Variants in MYH8 observed in about 807,000 individuals in gnomAD.
The protein encoded by MYH8 is myosin heavy chain 8, also known as myosin-8.
A neutral mutation model predicts 233.2 loss-of-function variants in MYH8; 168 were observed. The observed-to-expected ratio is 0.72, with a 90% CI of 0.64 to 0.82. The LOEUF is 0.82. Ranked by LOEUF, MYH8 falls within the 40% of genes least tolerant of loss-of-function variation. The pLI is 0.00. For missense variants in MYH8, 1,995 were observed against 2,327.8 expected (o/e 0.86, Z 2.94); for synonymous variants, 785 against 850.6 (o/e 0.92, Z 1.34).
Position 10,419,738 on chromosome 17 carries a change from G to A in MYH8, c.210+280C>T, listed in dbSNP as rs2072319706. On this transcript the variant is annotated intron_variant, in intron 3 of 39. Transcript: ENST00000403437. The surrounding 1 kb of genome is among the most constrained non-coding windows in gnomAD (Gnocchi z 4.0). ...ATTTAACTTCTGATAGGAGGAGCTT[G>A]TTTTCATTTCCCTCAAGTTTGGACA... 6.6e-6 allele frequency among the ~76,000 whole-genome samples: 1 copy of A among 152,162 alleles called. No individual in the cohort carries two copies. The highest frequency in any genetic ancestry group is 2.4e-5 in the African/African-American group (1 of 41,436).
Position 10,398,605 on chromosome 17 carries a change from G to GGAGGACTGCAGGGCGT in MYH8, c.4001_4016dup (p.His1341ProfsTer7). The GGAGGACTGCAGGGCGT allele has an allele frequency of 1.2e-6, 2 of 1,614,206 alleles. No homozygotes were observed. The highest frequency in any genetic ancestry group is 2.2e-5 in the South Asian group (2 of 91,082). On this transcript the variant is annotated frameshift_variant, in exon 30 of 40. Transcript: ENST00000403437. LOFTEE classifies it high-confidence loss of function. ...CCCGCAGCAGGTCGCAGTCATGGCG[G>GGAGGACTGCAGGGCGT]GAGGACTGCAGGGCGTGTGCCAGGG...
intron 30 of MYH8, 125 bp from the exon 31 acceptor site, chr17:10,397,111 T>A (rs1475987328): frequency 8.4e-7 from 1 of 1,185,430 alleles, no homozygotes; most frequent in African/African-American, 1.5e-5. Context: ...AGAGACGGAG[T>A]CTCGCTCTGT....
intron 28 of MYH8, among the ~76,000 whole-genome samples, chr17:10,399,133 G>A (rs532696347): frequency 9.2e-5 from 14 of 151,690 alleles, no homozygotes; most frequent in African/African-American, 2.2e-4. Context: ...TCCCTAATCC[G>A]AAAATCTAAA....
At chr17:10,394,593 G>T in intron 34 of MYH8, 141 bp from the exon 35 acceptor site, 1 of 1,074,776 alleles carries the variant, frequency 9.3e-7, no homozygotes, top group African/African-American at 1.6e-5. Context: ...TTATGGTTAG[G>T]TCATTTGCTT....
chr17:10,395,096 C>T (rs750360401), intron 34 of MYH8, 37 bp downstream of exon 34: 73 of 1,610,874 alleles, frequency 4.5e-5, no homozygotes, highest in Middle Eastern at 2.2e-4. Flanking sequence ...AGGTACTTTC[C>T]CTGCTTCATC....
At chr17:10,420,394 A>C (rs1209574212) in intron 2 of MYH8, 137 bp from the exon 3 acceptor site, 2 of 775,106 alleles carry the variant, frequency 2.6e-6, no homozygotes, top group African/African-American at 3.4e-5. Context: ...CCAGTGTTCT[A>C]ACATAGTCTA....
rs142917233 is a variant in MYH8 at position 10,418,775 on chromosome 17, G to C, written c.381C>G (p.Thr127=). The C allele has an allele frequency of 1.2e-6, 2 of 1,613,810 alleles. No individual in the cohort carries two copies. The highest frequency in any genetic ancestry group is 1.7e-5 in the Admixed American group (1 of 60,020). The part of the protein sequence containing the change: ...IYTYSGLFCV[T]VNPYKWLPVY... The stretch of plus-strand genomic sequence containing the variant: ...CCGGCAGCCACTTGTAGGGGTTGAC[G>C]GTGACACAGAAGAGGCCTGAGTAGG... The change falls in exon 5 of 40, where the codon ACC becomes ACG. Residue 127 remains threonine, a synonymous_variant. Coordinates refer to ENST00000403437, the MANE Select transcript of MYH8 (RefSeq NM_002472.3).
At position 10,406,376 on chromosome 17, in the gene MYH8, A is replaced by G. The variant is rs1331467330; in HGVS notation, c.2193T>C (p.Ser731=). 16 of 1,613,944 alleles carry G rather than the reference A, an allele frequency of 9.9e-6. No individual in the cohort carries two copies. Among genetic ancestry groups the G allele is most frequent in the Non-Finnish European group, 4.2e-6 (5 of 1,179,952 alleles). ...FKQRYKVLNA[S]AIPEGQFIDS... ...CAATGAACTGTCCCTCTGGAATAGC[A>G]CTTGCATTTAAAACCTTGTATCTGC... is the stretch of plus-strand genomic sequence containing the variant. The change falls in exon 20 of 40, where the codon AGT becomes AGC. Residue 731 remains serine (S), a synonymous_variant. Transcript: ENST00000403437.
chr17:10,413,549 G>C (rs1010420614), intron 12 of MYH8, among the ~76,000 whole-genome samples: 3 of 152,140 alleles, frequency 2.0e-5, no homozygotes, highest in African/African-American at 7.2e-5. Context: ...TCTGCTGTCA[G>C]TTCCTAGGGT....
At position 10,410,984 on chromosome 17, in the gene MYH8, G is replaced by A. The variant is rs944309685; in HGVS notation, c.1417-37C>T. On this transcript the variant is annotated intron_variant, in intron 14 of 39. Coordinates refer to ENST00000403437, the MANE Select transcript of MYH8 (RefSeq NM_002472.3). The stretch of plus-strand genomic sequence containing the variant: ...AATAGAGATTTCCAACATCAAATGA[G>A]TTTTATAGTAGTAAAATTCATTACT... 2.5e-6 allele frequency: 4 copies of A among 1,613,508 alleles called. No homozygotes were observed. The African/African-American group carries it at 4.0e-5, about 16-fold the overall frequency.
Position 10,405,984 on chromosome 17 carries a change from G to T in MYH8, c.2432+57C>A, listed in dbSNP as rs137932692. The T allele has an allele frequency of 1.4e-4, 216 of 1,591,634 alleles. 2 individuals are homozygous for T. The East Asian group carries it at 4.8e-3, about 35-fold the overall frequency. On this transcript the variant is annotated intron_variant, in intron 21 of 39. Coordinates refer to ENST00000403437, the MANE Select transcript of MYH8 (RefSeq NM_002472.3). ...AATGAAAGAATTAATGAATGAACAAGACTGATTGATAGTCCTTAAGGGACC... is the reference window on the plus strand; with the variant it reads ...AATGAAAGAATTAATGAATGAACAATACTGATTGATAGTCCTTAAGGGACC...
chr17:10,392,083 C>G, intron 38 of MYH8, 106 bp from the exon 39 acceptor site: 1 of 876,478 alleles, frequency 1.1e-6, no homozygotes, highest in East Asian at 2.4e-5. Context: ...CTGGGGTAAA[C>G]TTGATCAACT....
At position 10,401,841 on chromosome 17, in the gene MYH8, G is replaced by GT. The variant is rs372551096; in HGVS notation, c.2689-57dup. The GT allele has an allele frequency of 4.9e-4, 786 of 1,607,894 alleles. 2 individuals are homozygous for GT. The highest frequency in any genetic ancestry group is 1.1e-3 in the East Asian group (49 of 44,822). On this transcript the variant is annotated intron_variant, in intron 22 of 39. Coordinates refer to ENST00000403437, the MANE Select transcript of MYH8 (RefSeq NM_002472.3). ...TCTGTTACTTATTTTGAAACTTGGT[G>GT]TTTTTTTTGCGCAAAAATAATAGTG...
rs912354941 is a variant in MYH8 at position 10,400,460 on chromosome 17, T to C, written c.3665A>G (p.Lys1222Arg). Residue 1222 changes from lysine (K) to arginine (R), a missense_variant, in exon 27 of 40, where the codon AAG (lysine) becomes AGG (arginine). By Grantham distance (26) the Lys-to-Arg change is conservative. This residue lies in a region of MYH8 where 1,498 missense variants were observed against 1,680.9 expected (regional missense o/e 0.89). Coordinates refer to ENST00000403437, the MANE Select transcript of MYH8 (RefSeq NM_002472.3). This position sits in a 1 kb window ranked among gnomAD's most constrained non-coding sequence, Gnocchi z 4.0. ...CTCCATCTTCAGCTCACTCTTCTCCTTCTCCAGCTTCTGTTTGACCCGCTG... is the reference window on the plus strand; with the variant it reads ...CTCCATCTTCAGCTCACTCTTCTCCCTCTCCAGCTTCTGTTTGACCCGCTG... ...NLQRVKQKLEKEKSELKMETD... is the reference protein window; with the variant it reads ...NLQRVKQKLEREKSELKMETD... 3.1e-6 allele frequency: 5 copies of C among 1,614,058 alleles called. No homozygotes were observed. Among genetic ancestry groups the C allele is most frequent in the Non-Finnish European group, 4.2e-6 (5 of 1,179,964 alleles).
chr17:10,392,607 G>A lies in MYH8; in HGVS notation c.5503C>T (p.Arg1835Cys), dbSNP rs72814800. Residue 1835 changes from arginine to cysteine, a missense_variant, in exon 38 of 40, where the codon CGT (arginine) becomes TGT (cysteine). This residue lies in a region of MYH8 where 1,498 missense variants were observed against 1,680.9 expected (regional missense o/e 0.89). Transcript: ENST00000403437. ...AAACCTTTAACAGCCTCTGCATTAC[G>A]TTTCTGTTCATTTTCAACCTCTCCT... ...LEGEVENEQK[R>C]NAEAVKGLRK... 9.9e-6 allele frequency: 16 copies of A among 1,614,036 alleles called. No individual in the cohort carries two copies. The highest frequency in any genetic ancestry group is 4.5e-5 in the East Asian group (2 of 44,880).
In MYH8 at chr17:10,400,846, A is replaced by G; in HGVS notation, c.3345+23T>C. On this transcript the variant is annotated intron_variant, in intron 26 of 39. Coordinates refer to ENST00000403437, the MANE Select transcript of MYH8 (RefSeq NM_002472.3). This position sits in a 1 kb window ranked among gnomAD's most constrained non-coding sequence, Gnocchi z 4.0. ...TTCAGTGTTTTTTTGGTGTGCAGAA[A>G]AAATAGAGGTGAGATGACTCACCTG... 3.7e-6 allele frequency: 6 copies of G among 1,613,888 alleles called. No individual in the cohort carries two copies. The highest frequency in any genetic ancestry group is 3.3e-5 in the South Asian group (3 of 91,080).
Position 10,392,902 on chromosome 17 carries a change from G to A in MYH8, c.5392C>T (p.His1798Tyr). ...NLEQTVKDLQ[H>Y]RLDEAEQLAL... is the part of the protein sequence containing the mutation. ...AGCTGCTCGGCCTCATCTAGACGAT[G>A]CTGCAGGTCCTTCACCGTCTGCTCC... is the stretch of plus-strand genomic sequence containing the variant. The change falls in exon 37 of 40, where the codon CAT becomes TAT. Residue 1798 changes from histidine (H) to tyrosine (Y), a missense_variant. Physicochemically the swap from His to Tyr is moderately conservative, Grantham distance 83. Around this residue, in one of 3 missense-constraint regions of MYH8, gnomAD observed 1,498 missense variants for 1,680.9 expected, o/e 0.89. Coordinates refer to ENST00000403437, the MANE Select transcript of MYH8 (RefSeq NM_002472.3). The A allele has an allele frequency of 6.2e-7, 1 of 1,614,190 alleles. No homozygotes were observed. Among genetic ancestry groups the A allele is most frequent in the Non-Finnish European group, 8.5e-7 (1 of 1,180,034 alleles).
rs1261076662 is a variant in MYH8, at chr17:10,395,384, C to T, written c.4711G>A (p.Val1571Ile). The T allele has an allele frequency of 6.2e-7, 1 of 1,614,144 alleles. No homozygotes were observed. Among genetic ancestry groups the T allele is most frequent in the African/African-American group, 1.3e-5 (1 of 75,054 alleles). Reference protein sequence around the residue: ...ILRIQLELNQVKSEVDRKIAE... With the variant: ...ILRIQLELNQIKSEVDRKIAE... ...ATTTTTCTATCAACTTCAGACTTGA[C>T]TTGGTTTAACTCAAGCTGGATACGC... is the stretch of plus-strand genomic sequence containing the variant. The change falls in exon 34 of 40, where the codon GTC (valine) becomes ATC (isoleucine). Residue 1571 changes from valine (V) to isoleucine (I), a missense_variant. By Grantham distance (29) the Val-to-Ile change is conservative. This residue lies in a region of MYH8 where 1,498 missense variants were observed against 1,680.9 expected (regional missense o/e 0.89). Transcript: ENST00000403437.
rs746761681 is a variant in MYH8 at position 10,398,984 on chromosome 17, A to ATGTG, written c.3863-102_3863-99dup. On this transcript the variant is annotated intron_variant, in intron 28 of 39. Transcript: ENST00000403437. ...TGTGTGTGTATATATATATGTATATATGTGTGTGTGTATATATATATATAT... is the reference window on the plus strand; with the variant it reads ...TGTGTGTGTATATATATATGTATATATGTGTGTGTGTGTGTATATATATATATAT... 68 of 502,660 alleles carry ATGTG rather than the reference A, an allele frequency of 1.4e-4. 2 individuals carry two copies. Among genetic ancestry groups the ATGTG allele is most frequent in the African/African-American group, 4.7e-4 (15 of 32,184 alleles). The allele number at this position is 502,660 out of a possible 1,614,324, so 31.1% of individuals were successfully genotyped here.
Sources: allele counts gnomAD v4.1 joint callset (sites outside exome capture counted in the v4.1 genomes callset), GRCh38; gene constraint gnomAD v4.1.1; regional missense constraint gnomAD v4.1.1; non-coding constraint Gnocchi (gnomAD v3.1); transcripts MANE v1.5; gene names NCBI Gene and HGNC (gene_info 2026-07-23, HGNC 2026-07-21).